Variants in ZC3H11A observed in about 807,000 individuals in gnomAD.
ZC3H11A encodes zinc finger CCCH domain-containing protein 11A.
Under a neutral mutation model 90.8 loss-of-function variants are expected in ZC3H11A, and 22 were observed. The observed-to-expected ratio is 0.24, with a 90% CI of 0.17 to 0.35. ZC3H11A has a LOEUF of 0.35. Ranked by LOEUF, ZC3H11A falls within the 10% of genes least tolerant of loss-of-function variation. The pLI, the probability that ZC3H11A is intolerant of heterozygous loss-of-function variation, is 1.00. For synonymous variants in ZC3H11A, 294 were observed against 339.8 expected, an observed-to-expected ratio of 0.87 and a Z score of 1.48; for missense variants, 701 against 964.9, an observed-to-expected ratio of 0.73 and a Z score of 3.62.
At chr1:203,796,510 T>C (rs1668551052) in intron 1 of ZC3H11A, 2 of 399,006 alleles carry the variant, frequency 5.0e-6, no homozygotes, top group East Asian at 7.1e-5. Context: ...CGGATTCCTA[T>C]GGGGAAGGCC....
intron 2 of ZC3H11A, among the ~76,000 whole-genome samples, chr1:203,807,783 G>T (rs530536945): frequency 6.6e-6 from 1 of 151,934 alleles, no homozygotes; most frequent in Non-Finnish European, 1.5e-5. Flanking sequence ...GCTCTGTTGC[G>T]CAGACCAGAG....
chr1:203,846,162 G>GC (rs1687859647), intron 12 of ZC3H11A, among the ~76,000 whole-genome samples: 1 of 142,866 alleles, frequency 7.0e-6, no homozygotes. Flanking sequence ...AATTTTTTTG[G>GC]GGGGGGGGTT....
intron 10 of ZC3H11A, among the ~76,000 whole-genome samples, chr1:203,834,995 G>C (rs925677661): frequency 6.6e-6 from 1 of 152,132 alleles, no homozygotes; most frequent in African/African-American, 2.4e-5. Context: ...TCTTCATACT[G>C]TTTTAAATGT....
chr1:203,833,051 T>C (rs1378255619), intron 9 of ZC3H11A, among the ~76,000 whole-genome samples: 5 of 151,742 alleles, frequency 3.3e-5, no homozygotes, highest in Non-Finnish European at 7.4e-5. Context: ...CTGGCCAACA[T>C]GGTGAAACCC....
intron 2 of ZC3H11A, among the ~76,000 whole-genome samples, chr1:203,804,613 G>C (rs1671625832): frequency 6.7e-6 from 1 of 149,850 alleles, no homozygotes; most frequent in East Asian, 1.9e-4. Flanking sequence ...TTAGTTGATA[G>C]ATTTTCTAGT....
chr1:203,803,510 T>G (rs1363205045), intron 2 of ZC3H11A, among the ~76,000 whole-genome samples: 2 of 152,162 alleles, frequency 1.3e-5, no homozygotes, highest in Non-Finnish European at 2.9e-5. Flanking sequence ...TCTTTCTTTG[T>G]TTTGATAATA....
At chr1:203,820,442 T>G (rs1678176603) in intron 4 of ZC3H11A, among the ~76,000 whole-genome samples, 2 of 128,556 alleles carry the variant, frequency 1.6e-5, no homozygotes, top group African/African-American at 5.5e-5. Flanking sequence ...TAAGATTATA[T>G]AGCTTTAGCA....
rs765026358 is a variant in ZC3H11A, at chr1:203,851,150, C to CA, written c.2174+29dup. On this transcript the variant is annotated intron_variant, in intron 17 of 17. Transcript: ENST00000367210. ...GTAATACTTTGTAATTCTTTCTAAA[C>CA]AAACTCCAGGCCCCTGTTACTGTTT... 1.4e-5 allele frequency: 23 copies of CA among 1,609,026 alleles called. No homozygotes were observed. In the South Asian group the frequency reaches 2.5e-4, roughly 18 times the overall value.
In ZC3H11A at chr1:203,851,081, G is replaced by A; in HGVS notation, c.2131G>A (p.Asp711Asn). 1 of 1,614,134 alleles carries A rather than the reference G, an allele frequency of 6.2e-7. No individual in the cohort carries two copies. The change falls in exon 17 of 18, where the codon GAC (aspartate) becomes AAC (asparagine). Residue 711 changes from aspartate (D) to asparagine (N), a missense_variant. Asp to Asn is a conservative substitution (Grantham distance 23). Transcript: ENST00000367210. ...GGCTGTTGTCCCGCTTGTCTCTGAGGACAAATCAGTCACTGTGCCTGAAGC... is the reference window on the plus strand; with the variant it reads ...GGCTGTTGTCCCGCTTGTCTCTGAGAACAAATCAGTCACTGTGCCTGAAGC... The part of the protein sequence containing the change: ...AVAVVPLVSE[D>N]KSVTVPEAEN...
In ZC3H11A at chr1:203,831,780, T is replaced by A; in HGVS notation, c.811+9T>A. On this transcript the variant is annotated intron_variant, in intron 9 of 17. Transcript: ENST00000367210. Reference sequence around the variant, plus strand: ...TCTCTCCACCAAACAAGGTAAGGTATAGATAGGTCTTAGAGTTGTCAAGCC... The same window carrying A: ...TCTCTCCACCAAACAAGGTAAGGTAAAGATAGGTCTTAGAGTTGTCAAGCC... 1.2e-6 allele frequency: 2 copies of A among 1,604,336 alleles called. No homozygotes were observed. The highest frequency in any genetic ancestry group is 1.7e-6 in the Non-Finnish European group (2 of 1,173,344).
intron 13 of ZC3H11A, 92 bp from the exon 14 acceptor site, chr1:203,848,239 C>A: frequency 2.9e-6 from 3 of 1,040,000 alleles, no homozygotes; most frequent in Non-Finnish European, 4.3e-6. Flanking sequence ...TCCTGTCTTA[C>A]TACTTTCATT....
chr1:203,797,636 T>C (rs1224504570), intron 1 of ZC3H11A: 1 of 1,535,804 alleles, frequency 6.5e-7, no homozygotes, highest in Non-Finnish European at 8.7e-7. Context: ...CTAATACAGA[T>C]GAAGAAGATG....
intron 12 of ZC3H11A, among the ~76,000 whole-genome samples, chr1:203,841,816 G>A (rs1182155612): frequency 1.4e-5 from 2 of 145,240 alleles, no homozygotes; most frequent in African/African-American, 2.5e-5. Flanking sequence ...GGCGGCTGCC[G>A]GGCGGAGGGG....
intron 4 of ZC3H11A, among the ~76,000 whole-genome samples, chr1:203,826,178 A>T (rs1362334741): frequency 1.3e-5 from 2 of 152,194 alleles, no homozygotes; most frequent in Non-Finnish European, 2.9e-5. Flanking sequence ...CGGGTGTGAC[A>T]GAGGACTAAT....
At chr1:203,804,350 C>G (rs373150154) in intron 2 of ZC3H11A, among the ~76,000 whole-genome samples, 64 of 152,142 alleles carry the variant, frequency 4.2e-4, no homozygotes, top group African/African-American at 1.5e-3. Flanking sequence ...GACGGGGTTT[C>G]ACCGTGTTAG....
At chr1:203,799,899 C>A (rs937305245) in intron 1 of ZC3H11A, 1 of 1,536,046 alleles carries the variant, frequency 6.5e-7, no homozygotes, top group Non-Finnish European at 8.7e-7. Flanking sequence ...AACTTATAAG[C>A]AGTTCCTTGC....
chr1:203,838,882 G>T (rs930950889), intron 11 of ZC3H11A, among the ~76,000 whole-genome samples: 1 of 147,670 alleles, frequency 6.8e-6, no homozygotes, highest in Non-Finnish European at 1.5e-5. Context: ...GAACCTGGAA[G>T]GCGGAGGTTA....
At chr1:203,843,282 T>A (rs1686981698) in intron 12 of ZC3H11A, among the ~76,000 whole-genome samples, 1 of 152,234 alleles carries the variant, frequency 6.6e-6, no homozygotes, top group South Asian at 2.1e-4. Flanking sequence ...ACATAAATAC[T>A]GATTCAGTGG....
At chr1:203,800,310 A>G (rs1302852449) in intron 1 of ZC3H11A, 1 of 897,548 alleles carries the variant, frequency 1.1e-6, no homozygotes, top group Non-Finnish European at 1.8e-6. Flanking sequence ...TCCAAAACAG[A>G]TCATGAGCCT....
Sources: gnomAD v4.1 joint callset for allele counts (sites outside exome capture counted in the v4.1 genomes callset) on GRCh38, gnomAD v4.1.1 for gene constraint, MANE v1.5 for transcripts, NCBI Gene and HGNC (gene_info 2026-07-23, HGNC 2026-07-21) for gene names.